Variants in HOXC4 observed in about 807,000 individuals in gnomAD.
HOXC4 encodes the protein homeobox C4.
HOXC4 carries 15 observed loss-of-function variants against 25.5 expected under a neutral mutation model. The observed-to-expected ratio is 0.59, with a 90% CI of 0.39 to 0.91. The LOEUF (loss-of-function observed/expected upper bound fraction) is 0.91, where lower values mean the gene tolerates loss of function less well. HOXC4 is among the 40% of genes least tolerant of loss of function. The pLI is 0.00. For missense variants in HOXC4, 342 were observed against 352.4 expected, an observed-to-expected ratio of 0.97 and a Z score of 0.24; for synonymous variants, 165 against 148.0, an observed-to-expected ratio of 1.11 and a Z score of -0.83.
chr12:54,051,263 T>TC (rs1216008882), upstream of HOXC4, among the ~76,000 whole-genome samples: 4 of 151,624 alleles, frequency 2.6e-5, no homozygotes, highest in African/African-American at 4.9e-5. Flanking sequence ...TCCTCCCTCT[T>TC]CATCAACCCT....
chr12:54,046,695 GAGAA>G (rs1388339059), intron 1 of HOXC4, among the ~76,000 whole-genome samples: 4 of 152,170 alleles, frequency 2.6e-5, no homozygotes, highest in African/African-American at 7.2e-5. Flanking sequence ...GGAGGAAAAA[GAGAA>G]AGGGAAAGAA....
intron 1 of HOXC4, among the ~76,000 whole-genome samples, chr12:54,039,649 T>C (rs2136455323): frequency 6.6e-6 from 1 of 152,186 alleles, no homozygotes; most frequent in East Asian, 1.9e-4. Flanking sequence ...TTCCCTCTAG[T>C]CTGTGATTTT....
rs899080972 is a variant in HOXC4 at position 54,054,806 on chromosome 12, C to T, written c.440-44C>T. 2.2e-6 allele frequency: 3 copies of T among 1,352,942 alleles called. No individual in the cohort carries two copies. In the African/African-American group the frequency reaches 4.3e-5, roughly 20 times the overall value. 83.8% of individuals were successfully genotyped at this position (1,352,942 alleles called of 1,614,324 possible). A position where few individuals can be genotyped will look rare whatever the true frequency, so the allele number is the denominator to read the frequency against. ...GGGGTGAGGGTGGGGGGCGGGGAGC[C>T]TGCTGCCTCTGAACCCCACTATTTG... On this transcript the variant is annotated intron_variant, in intron 1 of 1. Transcript: ENST00000430889.
intron 1 of HOXC4, chr12:54,035,020 A>C (rs145357528): frequency 1.2e-5 from 2 of 164,286 alleles, no homozygotes; most frequent in East Asian, 3.3e-4. Context: ...AATGATTTGC[A>C]TATGAAAGGA....
At chr12:54,033,120 G>A (rs754800729) in intron 1 of HOXC4, 1 of 1,595,872 alleles carries the variant, frequency 6.3e-7, no homozygotes, top group South Asian at 1.1e-5. Context: ...GGCCCTCCCC[G>A]CCATGAGCTC....
intron 1 of HOXC4, among the ~76,000 whole-genome samples, chr12:54,039,329 C>A (rs73313202): frequency 0.049 from 7,411 of 152,114 alleles, 655 homozygotes; most frequent in African/African-American, 0.17. Context: ...GGGGAAGAAG[C>A]GAGAAGCAGG....
intron 1 of HOXC4, among the ~76,000 whole-genome samples, chr12:54,026,242 C>T (rs889032051): frequency 6.6e-6 from 1 of 152,156 alleles, no homozygotes; most frequent in Admixed American, 6.5e-5. Flanking sequence ...GGTGCACTGA[C>T]TTGTTCCCTA....
chr12:54,019,185 A>G (rs932980247), intron 1 of HOXC4, among the ~76,000 whole-genome samples: 3 of 50,090 alleles, frequency 6.0e-5, no homozygotes, highest in Non-Finnish European at 8.6e-5. Context: ...CCACCCCCCC[A>G]CCCCCAGTAG....
At chr12:54,041,028 C>T (rs1233003463) in intron 1 of HOXC4, among the ~76,000 whole-genome samples, 1 of 133,086 alleles carries the variant, frequency 7.5e-6, no homozygotes, top group Non-Finnish European at 1.6e-5. Context: ...AAACCCCTTC[C>T]CTTCCATTCT....
At chr12:54,031,020 C>A (rs1940965108) in intron 1 of HOXC4, among the ~76,000 whole-genome samples, 1 of 152,220 alleles carries the variant, frequency 6.6e-6, no homozygotes, top group South Asian at 2.1e-4. Flanking sequence ...CCTCTCTGGG[C>A]TCCCTGCGCG....
intron 1 of HOXC4, chr12:54,034,403 C>G: frequency 6.2e-7 from 1 of 1,614,262 alleles, no homozygotes. Context: ...CAACTTGTGT[C>G]TCAATGAGAG....
intron 1 of HOXC4, among the ~76,000 whole-genome samples, chr12:54,019,545 C>T (rs961250542): frequency 6.6e-6 from 1 of 152,200 alleles, no homozygotes; most frequent in African/African-American, 2.4e-5. Flanking sequence ...TGTCCGCCCC[C>T]GCCCCTGTGG....
chr12:54,029,457 C>G (rs1940895437), intron 1 of HOXC4, among the ~76,000 whole-genome samples: 1 of 147,644 alleles, frequency 6.8e-6, no homozygotes, highest in Non-Finnish European at 1.5e-5. Context: ...ACAGGTCCCA[C>G]CTTATAGGAG....
At chr12:54,025,634 C>A (rs1940663682) in intron 1 of HOXC4, among the ~76,000 whole-genome samples, 1 of 152,024 alleles carries the variant, frequency 6.6e-6, no homozygotes, top group African/African-American at 2.4e-5. Context: ...AGCATTTCTG[C>A]CTTTTTCACC....
chr12:54,034,043 C>A, intron 1 of HOXC4: 1 of 699,102 alleles, frequency 1.4e-6, no homozygotes, highest in Non-Finnish European at 2.7e-6. Flanking sequence ...CCCCCAACCC[C>A]CCCTCAGCCC....
chr12:54,028,705 G>A lies in HOXC4; in HGVS notation c.-124+11291G>A, dbSNP rs747377713. On this transcript the variant is annotated intron_variant, in intron 1 of 3. Coordinates refer to the HOXC4 transcript ENST00000303406. Reference sequence around the variant, plus strand: ...CTTTTATTCGCCACAGGAGAATGTCGTGTTCAGTTCCAGCCGGGGGCCGTA... The same window carrying A: ...CTTTTATTCGCCACAGGAGAATGTCATGTTCAGTTCCAGCCGGGGGCCGTA... 2 of 1,614,000 alleles carry A rather than the reference G, an allele frequency of 1.2e-6. No individual in the cohort carries two copies. The highest frequency in any genetic ancestry group is 1.7e-5 in the Admixed American group (1 of 60,014).
chr12:54,017,546 G>A (rs952035812), intron 1 of HOXC4: 10 of 152,098 alleles, frequency 6.6e-5, no homozygotes, highest in Non-Finnish European at 1.5e-4. Flanking sequence ...GTTAATTATG[G>A]GGAGGAAAAT....
At chr12:54,026,935 T>TC (rs1940731293) in intron 1 of HOXC4, among the ~76,000 whole-genome samples, 4 of 143,344 alleles carry the variant, frequency 2.8e-5, no homozygotes, top group South Asian at 2.2e-4. Context: ...ATAGCCAGCT[T>TC]TCCCCCCCCC....
chr12:54,046,381 T>A (rs944629517), intron 1 of HOXC4, among the ~76,000 whole-genome samples: 2 of 152,168 alleles, frequency 1.3e-5, no homozygotes, highest in Admixed American at 1.3e-4. Context: ...GACTCTTATT[T>A]ACCCGGCAAC....
Sources: allele counts gnomAD v4.1 joint callset (sites outside exome capture counted in the v4.1 genomes callset), GRCh38; gene constraint gnomAD v4.1.1; transcripts MANE v1.5; gene names NCBI Gene and HGNC (gene_info 2026-07-23, HGNC 2026-07-21).